The following DCLK1 variants were observed in gnomAD, a reference collection of about 807,000 sequenced individuals.
DCLK1 encodes the protein doublecortin like kinase 1.
A neutral mutation model predicts 86.2 loss-of-function variants in DCLK1; 16 were observed. That is an observed-to-expected ratio of 0.19 (90% CI 0.13 to 0.28). DCLK1 has a LOEUF of 0.28. Ranked by LOEUF, DCLK1 falls within the 10% of genes least tolerant of loss-of-function variation. DCLK1 has a pLI of 1.00. For missense variants in DCLK1, 590 were observed against 940.2 expected, an observed-to-expected ratio of 0.63 and a Z score of 4.87; for synonymous variants, 369 against 370.5, an observed-to-expected ratio of 1.00 and a Z score of 0.05.
intron 4 of DCLK1, among the ~76,000 whole-genome samples, chr13:35,925,184 T>C (rs1245393225): frequency 6.6e-6 from 1 of 152,166 alleles, no homozygotes; most frequent in Non-Finnish European, 1.5e-5. Flanking sequence ...TGGCCTGTCG[T>C]CTTTGGAAAC....
chr13:36,062,746 C>T (rs1883596787), intron 3 of DCLK1, among the ~76,000 whole-genome samples: 1 of 152,100 alleles, frequency 6.6e-6, no homozygotes, highest in Non-Finnish European at 1.5e-5. Flanking sequence ...GAGAACTGAC[C>T]ACGGATAGGC....
intron 5 of DCLK1, 120 bp from the exon 6 acceptor site, chr13:35,854,713 C>T: frequency 2.7e-6 from 2 of 742,174 alleles, no homozygotes; most frequent in Non-Finnish European, 3.9e-6. Flanking sequence ...ACTCTAGACA[C>T]CCTTCCATAT....
chr13:35,844,349 C>T (rs983583633), intron 6 of DCLK1, among the ~76,000 whole-genome samples: 5 of 152,150 alleles, frequency 3.3e-5, no homozygotes, highest in East Asian at 1.9e-4. Flanking sequence ...AGTGAAACCA[C>T]GAGAGCCAAG....
chr13:36,028,376 G>T (rs1882127230), intron 3 of DCLK1, among the ~76,000 whole-genome samples: 3 of 152,152 alleles, frequency 2.0e-5, no homozygotes, highest in Admixed American at 6.5e-5. Flanking sequence ...TGACCACATG[G>T]CTCATGGACT....
intron 1 of DCLK1, among the ~76,000 whole-genome samples, chr13:36,127,344 GA>G (rs1350222400): frequency 6.6e-6 from 1 of 152,104 alleles, no homozygotes; most frequent in East Asian, 1.9e-4. Context: ...AACAAGAAAG[GA>G]AAAAATGTTT....
chr13:35,886,642 T>C (rs1873279382), intron 4 of DCLK1, among the ~76,000 whole-genome samples: 1 of 152,186 alleles, frequency 6.6e-6, no homozygotes, highest in African/African-American at 2.4e-5. Context: ...AGGCTGCTCG[T>C]TGAAGAAAGC....
At chr13:35,947,540 A>G in intron 3 of DCLK1, 83 bp from the exon 4 acceptor site, 1 of 1,125,374 alleles carries the variant, frequency 8.9e-7, no homozygotes, top group Non-Finnish European at 1.3e-6. Flanking sequence ...ACATCTGCAT[A>G]AAGCCCCTTC....
intron 3 of DCLK1, among the ~76,000 whole-genome samples, chr13:36,034,309 A>C (rs1366321360): frequency 6.6e-6 from 1 of 152,228 alleles, no homozygotes; most frequent in African/African-American, 2.4e-5. Flanking sequence ...AGAATTTTAA[A>C]GTTATTATCA....
intron 11 of DCLK1, among the ~76,000 whole-genome samples, chr13:35,813,401 T>C (rs555302633): frequency 6.6e-6 from 1 of 152,332 alleles, no homozygotes; most frequent in East Asian, 1.9e-4. Flanking sequence ...ATTTTAGTTC[T>C]AAATATGACC....
At chr13:35,866,409 T>A (rs955900652) in intron 5 of DCLK1, among the ~76,000 whole-genome samples, 1 of 151,622 alleles carries the variant, frequency 6.6e-6, no homozygotes, top group African/African-American at 2.4e-5. Flanking sequence ...GAAGTAGAAA[T>A]CATTATAAAC....
At chr13:35,841,893 AAT>A (rs1869823491) in intron 6 of DCLK1, among the ~76,000 whole-genome samples, 1 of 152,030 alleles carries the variant, frequency 6.6e-6, no homozygotes, top group Admixed American at 6.6e-5. Context: ...ATGGACCTTA[AAT>A]ATTACCTATT....
intron 3 of DCLK1, among the ~76,000 whole-genome samples, chr13:36,016,032 C>T (rs1454947431): frequency 6.6e-6 from 1 of 152,098 alleles, no homozygotes; most frequent in East Asian, 1.9e-4. Context: ...ACTGAGCAAC[C>T]AGAAGGCTAG....
intron 3 of DCLK1, among the ~76,000 whole-genome samples, chr13:35,966,877 G>C (rs1878774235): frequency 6.6e-6 from 1 of 152,014 alleles, no homozygotes; most frequent in African/African-American, 2.4e-5. Context: ...CCAGCCGCCT[G>C]CCTTGGCCTC....
chr13:35,849,691 C>T, intron 6 of DCLK1: 1 of 984,692 alleles, frequency 1.0e-6, no homozygotes, highest in Non-Finnish European at 1.2e-6. Flanking sequence ...ATTGGTTTAA[C>T]ACAAAAGGAG....
intron 3 of DCLK1, among the ~76,000 whole-genome samples, chr13:35,984,552 C>G (rs921499734): frequency 2.6e-5 from 4 of 152,322 alleles, no homozygotes; most frequent in Middle Eastern, 6.8e-3. Flanking sequence ...CTCTGACACC[C>G]AAACTGCCTG....
intron 4 of DCLK1, among the ~76,000 whole-genome samples, chr13:35,915,130 C>T (rs973941418): frequency 1.3e-5 from 2 of 152,168 alleles, no homozygotes; most frequent in African/African-American, 4.8e-5. Flanking sequence ...AAGTATAATG[C>T]TATCATAGCA....
intron 3 of DCLK1, among the ~76,000 whole-genome samples, chr13:36,061,512 C>A (rs974934562): frequency 6.6e-6 from 1 of 152,166 alleles, no homozygotes; most frequent in African/African-American, 2.4e-5. Flanking sequence ...CAATTCTCCA[C>A]AAATTTCCAT....
At chr13:36,001,943 C>T (rs1366343790) in intron 3 of DCLK1, among the ~76,000 whole-genome samples, 1 of 152,012 alleles carries the variant, frequency 6.6e-6, no homozygotes, top group Non-Finnish European at 1.5e-5. Flanking sequence ...CGCACTGTTG[C>T]CTTTTTGTTG....
intron 3 of DCLK1, among the ~76,000 whole-genome samples, chr13:35,977,955 A>G (rs1195518400): frequency 6.6e-6 from 1 of 152,158 alleles, no homozygotes; most frequent in Non-Finnish European, 1.5e-5. Flanking sequence ...CATTGTCAAC[A>G]AGAGCTCTGT....
Sources: allele counts gnomAD v4.1 joint callset (sites outside exome capture counted in the v4.1 genomes callset), GRCh38; gene constraint gnomAD v4.1.1; transcripts MANE v1.5; gene names NCBI Gene and HGNC (gene_info 2026-07-23, HGNC 2026-07-21).